Variants in INPP5D observed in about 807,000 individuals in gnomAD.
INPP5D encodes phosphatidylinositol 3,4,5-trisphosphate 5-phosphatase 1.
A neutral mutation model predicts 122.9 loss-of-function variants in INPP5D; 33 were observed. The observed-to-expected ratio is 0.27, with a 90% CI of 0.20 to 0.36. The LOEUF is 0.36. Among genes scored for constraint, INPP5D ranks in the 10% least tolerant of loss-of-function variants. The pLI is 1.00. For synonymous variants in INPP5D, 584 were observed against 576.2 expected (o/e 1.01, Z -0.19); for missense variants, 1,053 against 1,412.7 (o/e 0.75, Z 4.08).
chr2:233,184,661 T>A, intron 20 of INPP5D, 140 bp downstream of exon 20: 1 of 1,276,394 alleles, frequency 7.8e-7, no homozygotes, highest in South Asian at 1.5e-5. Context: ...GGGCTGCAGG[T>A]GGATGACTCA....
chr2:233,143,875 G>A (rs1180272432), intron 6 of INPP5D, among the ~76,000 whole-genome samples: 2 of 151,768 alleles, frequency 1.3e-5, no homozygotes, highest in Non-Finnish European at 2.9e-5. Flanking sequence ...AGTGATAGGG[G>A]AGGAGATGGT....
chr2:233,064,098 G>A (rs995014315), intron 1 of INPP5D, among the ~76,000 whole-genome samples: 3 of 152,272 alleles, frequency 2.0e-5, no homozygotes, highest in African/African-American at 7.2e-5. Flanking sequence ...GCTGATCAAA[G>A]GCCCAATGTC....
rs1001314114 is a variant in INPP5D, at chr2:233,105,152, G to A, written c.199-16955G>A. ...CCAAGGGCAGTCGTCTGAGGCACCAGGCTTAGGTCTTTGGCAGCAAAGCAA... is the reference window on the plus strand; with the variant it reads ...CCAAGGGCAGTCGTCTGAGGCACCAAGCTTAGGTCTTTGGCAGCAAAGCAA... On this transcript the variant is annotated intron_variant, in intron 2 of 26. Transcript: ENST00000445964. The surrounding 1 kb of genome is among the most constrained non-coding windows in gnomAD (Gnocchi z 4.0). 2.0e-5 allele frequency among the ~76,000 whole-genome samples: 3 copies of A among 152,188 alleles called. No homozygotes were observed. The highest frequency in any genetic ancestry group is 2.9e-5 in the Non-Finnish European group (2 of 68,026).
intron 2 of INPP5D, among the ~76,000 whole-genome samples, chr2:233,118,953 C>A (rs900954758): frequency 6.6e-6 from 1 of 152,228 alleles, no homozygotes; most frequent in African/African-American, 2.4e-5. Context: ...CAGGCACACG[C>A]GGTGGCCTCA....
In INPP5D at chr2:233,204,494, C is replaced by T. The variant is rs752878693; in HGVS notation, c.3344C>T (p.Pro1115Leu). The T allele has an allele frequency of 3.2e-6, 5 of 1,582,174 alleles. No homozygotes were observed. Among genetic ancestry groups the T allele is most frequent in the African/African-American group, 2.7e-5 (2 of 74,184 alleles). ...AAGACCCCGGTCAGCTCCCAGGCCCCGGTGCCGGCCAAGAGGCCCATCAAG... is the reference window on the plus strand; with the variant it reads ...AAGACCCCGGTCAGCTCCCAGGCCCTGGTGCCGGCCAAGAGGCCCATCAAG... ...KPKTPVSSQA[P>L]VPAKRPIKPS... is the part of the protein sequence containing the mutation. Residue 1115 changes from proline to leucine, a missense_variant, in exon 26 of 27, where the codon CCG becomes CTG. Transcript: ENST00000445964.
intron 2 of INPP5D, among the ~76,000 whole-genome samples, chr2:233,099,365 T>A (rs1559290398): frequency 6.6e-6 from 1 of 152,192 alleles, no homozygotes; most frequent in Non-Finnish European, 1.5e-5. Flanking sequence ...ATGTGTGCCA[T>A]CCTCCTAGCT....
At chr2:233,113,946 G>T (rs190170046) in intron 2 of INPP5D, among the ~76,000 whole-genome samples, 2 of 130,958 alleles carry the variant, frequency 1.5e-5, no homozygotes, top group Admixed American at 8.1e-5. Flanking sequence ...TCGCTCTGTC[G>T]CCCAGGCTGG....
rs367627917 is a variant in INPP5D, at chr2:233,147,945, G to A, written c.1030+351G>A. Among the ~76,000 whole-genome samples, 5 of 152,314 alleles carry A rather than the reference G, an allele frequency of 3.3e-5. No homozygotes were observed. The East Asian group carries it at 9.6e-4, about 29-fold the overall frequency. On this transcript the variant is annotated intron_variant, in intron 9 of 26. Transcript: ENST00000445964. ...TGCCACTTAGCAGCTGTGTGACCTGGGACATGTCATGACCTCTCTAGCCCT... is the reference window on the plus strand; with the variant it reads ...TGCCACTTAGCAGCTGTGTGACCTGAGACATGTCATGACCTCTCTAGCCCT...
intron 9 of INPP5D, 138 bp downstream of exon 9, chr2:233,147,732 G>C: frequency 3.3e-6 from 2 of 614,278 alleles, no homozygotes; most frequent in Non-Finnish European, 5.9e-6. Flanking sequence ...GCTTTTGTGT[G>C]TGTGTGTGTC....
rs1219149701 is a variant in INPP5D, at chr2:233,169,170, G to C, written c.1556-135G>C. ...CTCTCTGCCCAGCGGCTCCCACCCT[G>C]CACGACCCTGTTTCGCCCATCCCTT... is the stretch of plus-strand genomic sequence containing the variant. On this transcript the variant is annotated intron_variant, in intron 13 of 26. Transcript: ENST00000445964. 8 of 1,348,658 alleles carry C rather than the reference G, an allele frequency of 5.9e-6. No individual in the cohort carries two copies. The East Asian group carries it at 1.8e-4, about 30-fold the overall frequency. The allele number at this position is 1,348,658 out of a possible 1,614,324, so 83.5% of individuals were successfully genotyped here. A position where few individuals can be genotyped will look rare whatever the true frequency, so the allele number is the denominator to read the frequency against.
chr2:233,167,649 G>A (rs1694379501), intron 13 of INPP5D, among the ~76,000 whole-genome samples: 1 of 152,186 alleles, frequency 6.6e-6, no homozygotes, highest in African/African-American at 2.4e-5. Flanking sequence ...GTCCTGACAA[G>A]GTTGAGCCAG....
chr2:233,109,738 C>T (rs984321579), intron 2 of INPP5D, among the ~76,000 whole-genome samples: 1 of 150,496 alleles, frequency 6.6e-6, no homozygotes, highest in Non-Finnish European at 1.5e-5. Context: ...GCCACCACGC[C>T]CAGCTATTTT....
At chr2:233,138,401 AAAAAC>A (rs1693554955) in intron 5 of INPP5D, among the ~76,000 whole-genome samples, 1 of 152,100 alleles carries the variant, frequency 6.6e-6, no homozygotes, top group African/African-American at 2.4e-5. Context: ...GCAAGGGAGA[AAAAAC>A]AAAAAAGTTT....
chr2:233,195,843 G>A (rs116377800), intron 24 of INPP5D, among the ~76,000 whole-genome samples: 1 of 152,122 alleles, frequency 6.6e-6, no homozygotes, highest in Non-Finnish European at 1.5e-5. Context: ...GGTGGCACAC[G>A]CCTCTAATCC....
intron 1 of INPP5D, among the ~76,000 whole-genome samples, chr2:233,071,877 C>T (rs1691391284): frequency 6.6e-6 from 1 of 152,136 alleles, no homozygotes; most frequent in Non-Finnish European, 1.5e-5. Context: ...CTCATTATTT[C>T]AAATTGTTTT....
chr2:233,143,490 A>G (rs1693671727), intron 6 of INPP5D, among the ~76,000 whole-genome samples: 1 of 152,160 alleles, frequency 6.6e-6, no homozygotes, highest in Non-Finnish European at 1.5e-5. Flanking sequence ...TAACCCTAAA[A>G]CAAGGGAATC....
At chr2:233,080,926 G>A (rs1559279149) in intron 2 of INPP5D, among the ~76,000 whole-genome samples, 1 of 152,206 alleles carries the variant, frequency 6.6e-6, no homozygotes, top group South Asian at 2.1e-4. Context: ...CATTTGCTGC[G>A]AGGCCTCCTT....
chr2:233,068,592 C>G (rs1354328329), intron 1 of INPP5D, among the ~76,000 whole-genome samples: 1 of 149,452 alleles, frequency 6.7e-6, no homozygotes, highest in African/African-American at 2.5e-5. Context: ...TAGAATCCGT[C>G]TAAAAAAAAA....
intron 25 of INPP5D, among the ~76,000 whole-genome samples, chr2:233,203,686 G>A (rs375872040): frequency 3.9e-5 from 6 of 152,182 alleles, no homozygotes; most frequent in East Asian, 3.9e-4. Flanking sequence ...GAAGCGAAGA[G>A]TTCAAGACCA....
Sources: allele counts gnomAD v4.1 joint callset (sites outside exome capture counted in the v4.1 genomes callset), GRCh38; gene constraint gnomAD v4.1.1; non-coding constraint Gnocchi (gnomAD v3.1); transcripts MANE v1.5; gene names NCBI Gene and HGNC (gene_info 2026-07-23, HGNC 2026-07-21).